Variants in PFDN5 observed in about 807,000 individuals in gnomAD.
The protein encoded by PFDN5 is prefoldin subunit 5.
A neutral mutation model predicts 21.5 loss-of-function variants in PFDN5; 13 were observed. The ratio of observed to expected loss-of-function variants is 0.60; its 90% CI spans 0.39 to 0.96. PFDN5 has a LOEUF of 0.96. Among genes scored for constraint, PFDN5 ranks in the 40% least tolerant of loss-of-function variants. PFDN5 has a pLI of 0.00. For missense variants in PFDN5, 188 were observed against 186.2 expected, an observed-to-expected ratio of 1.01 and a Z score of -0.06; for synonymous variants, 84 against 68.9, an observed-to-expected ratio of 1.22 and a Z score of -1.08.
chr12:53,296,313 C>G, intron 3 of PFDN5, 38 bp downstream of exon 3: 1 of 1,553,108 alleles, frequency 6.4e-7, no homozygotes, highest in Non-Finnish European at 8.8e-7. Context: ...GCTGCCTTCT[C>G]CCTTTCTCCT....
chr12:53,299,179 G>A lies in PFDN5; in HGVS notation c.389-90G>A, dbSNP rs1944196576. The A allele has an allele frequency of 2.6e-5, 21 of 799,492 alleles. No individual in the cohort carries two copies. The South Asian group carries it at 3.0e-4, about 12-fold the overall frequency. 49.5% of individuals were successfully genotyped at this position (799,492 alleles called of 1,614,324 possible). A position where few individuals can be genotyped will look rare whatever the true frequency, so the allele number is the denominator to read the frequency against. ...GTTATTAACAAACTGTAGTTAGTCG[G>A]TCGCCTGTCCTTAAACTTGCCTGTC... On this transcript the variant is annotated intron_variant, in intron 5 of 5. Transcript: ENST00000334478.
intron 3 of PFDN5, 137 bp from the exon 4 acceptor site, chr12:53,297,713 A>G (rs1592503538): frequency 2.9e-6 from 2 of 679,544 alleles, no homozygotes; most frequent in East Asian, 2.6e-5. Context: ...GTATTGTTCT[A>G]AGGCCTCCAG....
chr12:53,299,358 A>C lies in PFDN5; in HGVS notation c.*13A>C, dbSNP rs561287069. 2 of 1,584,314 alleles carry C rather than the reference A, an allele frequency of 1.3e-6. No homozygotes were observed. The highest frequency in any genetic ancestry group is 2.2e-5 in the South Asian group (2 of 90,344). ...TGCTAAGGCCTGAGAGTTTTTGCAG[A>C]AATGGGGCAGAGGGACACCCTTTGG... On this transcript the variant is annotated 3_prime_UTR_variant, in exon 6 of 6. Coordinates refer to ENST00000334478, the MANE Select transcript of PFDN5 (RefSeq NM_002624.4).
At chr12:53,296,315 C>T in intron 3 of PFDN5, 40 bp downstream of exon 3, 2 of 1,536,532 alleles carry the variant, frequency 1.3e-6, no homozygotes, top group Non-Finnish European at 1.8e-6. Flanking sequence ...TGCCTTCTCC[C>T]TTTCTCCTTC....
chr12:53,299,152 AGGTTATT>A, intron 5 of PFDN5, 110 bp from the exon 6 acceptor site: 4 of 519,440 alleles, frequency 7.7e-6, no homozygotes, highest in South Asian at 5.7e-5. Flanking sequence ...AAAAAAAAAA[AGGTTATT>A]AACAAACTGT....
rs924494428 is a variant in PFDN5 at position 53,295,795 on chromosome 12, T to A, written c.73-44T>A. The A allele has an allele frequency of 3.7e-6, 5 of 1,337,518 alleles. No homozygotes were observed. The African/African-American group carries it at 7.2e-5, about 19-fold the overall frequency. 82.9% of individuals were successfully genotyped at this position (1,337,518 alleles called of 1,614,324 possible). A position where few individuals can be genotyped will look rare whatever the true frequency, so the allele number is the denominator to read the frequency against. ...CCCCCTCCCCGGCCGCGCTCCTTTCTCCCCTTAGTCCTCTCATTGACCCGC... is the reference window on the plus strand; with the variant it reads ...CCCCCTCCCCGGCCGCGCTCCTTTCACCCCTTAGTCCTCTCATTGACCCGC... On this transcript the variant is annotated intron_variant, in intron 1 of 5. Transcript: ENST00000334478.
intron 5 of PFDN5, chr12:53,298,916 A>T (rs1020634811): frequency 1.4e-5 from 3 of 207,754 alleles, no homozygotes; most frequent in Middle Eastern, 1.9e-3. Flanking sequence ...CAGGTGGATC[A>T]CCTGAGGTTA....
rs1944176958 is a variant in PFDN5, at chr12:53,298,051, G to C, written c.289G>C (p.Glu97Gln). The C allele has an allele frequency of 6.2e-7, 1 of 1,610,650 alleles. No individual in the cohort carries two copies. The highest frequency in any genetic ancestry group is 8.5e-7 in the Non-Finnish European group (1 of 1,176,934). The change falls in exon 5 of 6, where the codon GAG becomes CAG. Residue 97 changes from glutamate to glutamine, a missense_variant. By Grantham distance (29) the Glu-to-Gln change is conservative. Coordinates refer to ENST00000334478, the MANE Select transcript of PFDN5 (RefSeq NM_002624.4). ...TTCACCTCTGATCTTGTAGACAGCT[G>C]AGGATGCCAAGGACTTCTTCAAGAG... is the stretch of plus-strand genomic sequence containing the variant. ...GTGYYVEKTA[E>Q]DAKDFFKRKI... is the part of the protein sequence containing the mutation.
intron 3 of PFDN5, chr12:53,297,546 A>ACAT (rs1334455512): frequency 2.0e-5 from 2 of 101,900 alleles, no homozygotes; most frequent in Non-Finnish European, 3.8e-5. Flanking sequence ...CAGTAGGAAA[A>ACAT]CATGTCTAGT....
chr12:53,295,753 T>C, intron 1 of PFDN5, 86 bp from the exon 2 acceptor site: 1 of 1,275,810 alleles, frequency 7.8e-7, no homozygotes, highest in East Asian at 2.3e-5. Context: ...GAAACCTCTA[T>C]CCGATCCCAG....
At position 53,295,567 on chromosome 12, in the gene PFDN5, C is replaced by T. The variant is rs1261234550; in HGVS notation, c.-1C>T. On this transcript the variant is annotated 5_prime_UTR_variant, in exon 1 of 6. Transcript: ENST00000334478. ...CTCTTCGTTAAGTCGGCCTTCCCAA[C>T]ATGGCGCAGTCTATTAACATCACGG... The T allele has an allele frequency of 6.2e-6, 10 of 1,613,004 alleles. No homozygotes were observed. Among genetic ancestry groups the T allele is most frequent in the Admixed American group, 1.7e-5 (1 of 60,014 alleles).
At chr12:53,298,659 C>T (rs1228402726) in intron 5 of PFDN5, 1 of 159,266 alleles carries the variant, frequency 6.3e-6, no homozygotes, top group African/African-American at 2.4e-5. Flanking sequence ...TCATAGTTTT[C>T]TGATTATGTC....
At chr12:53,297,946 C>T (rs769291132) in intron 4 of PFDN5, 22 bp downstream of exon 4, 104 of 1,593,000 alleles carry the variant, frequency 6.5e-5, no homozygotes, top group Non-Finnish European at 8.4e-5. Flanking sequence ...CATGTGGATG[C>T]CCCTCTAAAC....
At position 53,297,852 on chromosome 12, in the gene PFDN5, G is replaced by GT; in HGVS notation, c.211dup (p.Tyr71LeufsTer8). ...TTCCCTTAATTCTTGCTTCTCAGATGTATGTCCCTGGGAAGCTGCATGATG... is the reference window on the plus strand; with the variant it reads ...TTCCCTTAATTCTTGCTTCTCAGATGTTATGTCCCTGGGAAGCTGCATGATG... On this transcript the variant is annotated frameshift_variant, in exon 4 of 6. Coordinates refer to ENST00000334478, the MANE Select transcript of PFDN5 (RefSeq NM_002624.4). LOFTEE classifies it high-confidence loss of function. 1 of 1,609,414 alleles carries GT rather than the reference G, an allele frequency of 6.2e-7. No homozygotes were observed. The highest frequency in any genetic ancestry group is 1.1e-5 in the South Asian group (1 of 90,940).
intron 3 of PFDN5, chr12:53,297,110 G>A (rs146050188): frequency 0.011 from 1,752 of 152,954 alleles, 26 homozygotes; most frequent in South Asian, 0.05. Flanking sequence ...CACAGGAATA[G>A]TAGTGTGTAG....
chr12:53,299,181 C>T (rs1046780965), intron 5 of PFDN5, 88 bp from the exon 6 acceptor site: 33 of 795,084 alleles, frequency 4.2e-5, no homozygotes, highest in Non-Finnish European at 6.2e-5. Context: ...GTTAGTCGGT[C>T]GCCTGTCCTT....
chr12:53,299,375 ACC>A lies in PFDN5; in HGVS notation c.*32_*33del. 1 of 1,455,690 alleles carries A rather than the reference ACC, an allele frequency of 6.9e-7. No individual in the cohort carries two copies. The highest frequency in any genetic ancestry group is 9.6e-7 in the Non-Finnish European group (1 of 1,045,000). The allele number at this position is 1,455,690 out of a possible 1,614,324, so 90.2% of individuals were successfully genotyped here. A position where few individuals can be genotyped will look rare whatever the true frequency, so the allele number is the denominator to read the frequency against. ...TTTTGCAGAAATGGGGCAGAGGGAC[ACC>A]CTTTGGGCGTGGCTTCCTGGTGATG... On this transcript the variant is annotated 3_prime_UTR_variant, in exon 6 of 6. Transcript: ENST00000334478.
At chr12:53,297,050 C>T (rs924021522) in intron 3 of PFDN5, 1 of 152,944 alleles carries the variant, frequency 6.5e-6, no homozygotes, top group African/African-American at 2.4e-5. Flanking sequence ...CAAGTTATGG[C>T]AGTAGGGCAT....
chr12:53,297,334 C>A (rs925747710), intron 3 of PFDN5: 2 of 155,806 alleles, frequency 1.3e-5, no homozygotes, highest in African/African-American at 2.4e-5. Context: ...GCGACTGAGA[C>A]AGGAGAATTG....
Sources: allele counts gnomAD v4.1 joint callset, GRCh38; gene constraint gnomAD v4.1.1; transcripts MANE v1.5; gene names NCBI Gene and HGNC (gene_info 2026-07-23, HGNC 2026-07-21).